SLC25A10: variants seen among roughly 807,000 people sequenced by gnomAD.
SLC25A10 encodes the protein mitochondrial dicarboxylate carrier.
SLC25A10 carries 32 observed loss-of-function variants against 40.4 expected under a neutral mutation model. The ratio of observed to expected loss-of-function variants is 0.79; its 90% CI spans 0.60 to 1.06. The LOEUF (loss-of-function observed/expected upper bound fraction) is 1.06. SLC25A10 is among the 50% of genes least tolerant of loss of function. The probability of loss-of-function intolerance (pLI) is 0.00; values close to 1 mark genes in which losing one functional copy is unlikely to be tolerated. For synonymous variants in SLC25A10, 181 were observed against 171.1 expected (o/e 1.06, Z -0.45); for missense variants, 394 against 402.6 (o/e 0.98, Z 0.18).
At chr17:81,713,550 T>G in intron 1 of SLC25A10, 6 of 958,274 alleles carry the variant, frequency 6.3e-6, no homozygotes, top group Non-Finnish European at 7.5e-6. Context: ...ACCTCACTGG[T>G]CCTGGGAGAG....
Position 81,717,461 on chromosome 17 carries a change from C to G in SLC25A10, c.597C>G (p.Ile199Met), listed in dbSNP as rs759091020. 1 of 1,613,680 alleles carries G rather than the reference C, an allele frequency of 6.2e-7. No individual in the cohort carries two copies. Among genetic ancestry groups the G allele is most frequent in the Non-Finnish European group, 8.5e-7 (1 of 1,179,914 alleles). The change falls in exon 8 of 11, where the codon ATC becomes ATG. Residue 199 changes from isoleucine to methionine, a missense_variant. Physicochemically the swap from Ile to Met is conservative, Grantham distance 10. Coordinates refer to ENST00000350690, the MANE Select transcript of SLC25A10 (RefSeq NM_012140.5). ...GCACCGGGTACCTCTCTGACAACAT[C>G]TTCACTCACTTTGTCGCCAGCTTTA... is the stretch of plus-strand genomic sequence containing the variant. Reference protein sequence around the residue: ...VLSTGYLSDNIFTHFVASFIA... With the variant: ...VLSTGYLSDNMFTHFVASFIA...
chr17:81,719,691 CCGCTCA>C, intron 9 of SLC25A10, 134 bp from the exon 10 acceptor site: 3 of 997,740 alleles, frequency 3.0e-6, no homozygotes, highest in Non-Finnish European at 3.1e-6. Flanking sequence ...CCAGCAGCCG[CCGCTCA>C]CACCCACACC....
Position 81,717,077 on chromosome 17 carries a change from G to A in SLC25A10, c.534+5G>A. 1 of 1,613,548 alleles carries A rather than the reference G, an allele frequency of 6.2e-7. No homozygotes were observed. The highest frequency in any genetic ancestry group is 8.5e-7 in the Non-Finnish European group (1 of 1,179,850). On this transcript the variant is annotated splice_donor_5th_base_variant and intron_variant, in intron 7 of 10. Coordinates refer to ENST00000350690, the MANE Select transcript of SLC25A10 (RefSeq NM_012140.5). ...GCCTTAGTCACTGTGGGCCAGGTAG[G>A]CCTCCTGCGTGGGGTGGGTGTGGGC...
At chr17:81,714,416 A>G (rs2037439689) in intron 1 of SLC25A10, among the ~76,000 whole-genome samples, 1 of 152,194 alleles carries the variant, frequency 6.6e-6, no homozygotes, top group Non-Finnish European at 1.5e-5. Context: ...GGAGGCCGCT[A>G]TGCCCTGCCG....
rs1311890590 is a variant in SLC25A10, at chr17:81,713,109, CAGGAG to C, written c.93+593_93+597del. On this transcript the variant is annotated intron_variant, in intron 1 of 10. Coordinates refer to ENST00000350690, the MANE Select transcript of SLC25A10 (RefSeq NM_012140.5). ...AGCGATGTTAGGACCAGCACACCCC[CAGGAG>C]AGATGCCAGGAGACCCTGCACGCGT... Among the ~76,000 whole-genome samples the C allele has an allele frequency of 2.0e-5, 3 of 152,150 alleles. No individual in the cohort carries two copies. The East Asian group carries it at 5.8e-4, about 29-fold the overall frequency.
chr17:81,715,824 G>C, intron 4 of SLC25A10, 83 bp downstream of exon 4: 1 of 1,573,554 alleles, frequency 6.4e-7, no homozygotes, highest in Non-Finnish European at 8.7e-7. Flanking sequence ...CTGCTTGCAG[G>C]GTGGGGTCAG....
rs748904356 is a variant in SLC25A10 at position 81,717,764 on chromosome 17, G to C, written c.628-20G>C. ...GCCTGGCGTACCTGACAGGCCGCTG[G>C]TGACGAGCCCCCTCCTCAGGGTGGA... On this transcript the variant is annotated intron_variant, in intron 8 of 10. Transcript: ENST00000350690. 1 of 1,607,706 alleles carries C rather than the reference G, an allele frequency of 6.2e-7. No homozygotes were observed. The highest frequency in any genetic ancestry group is 1.3e-5 in the African/African-American group (1 of 74,894).
At chr17:81,719,268 A>G (rs1335685559) in intron 9 of SLC25A10, among the ~76,000 whole-genome samples, 3 of 151,334 alleles carry the variant, frequency 2.0e-5, no homozygotes, top group Non-Finnish European at 4.4e-5. Context: ...AGGTTTCGCC[A>G]TGTTCGCCAG....
intron 2 of SLC25A10, 143 bp from the exon 3 acceptor site, chr17:81,715,335 G>T (rs368760581): frequency 1.2e-5 from 10 of 828,058 alleles, no homozygotes; most frequent in Non-Finnish European, 1.9e-5. Context: ...TGGCTCAGCC[G>T]CATGCTGGCA....
chr17:81,718,049 T>C (rs185304227), intron 9 of SLC25A10, among the ~76,000 whole-genome samples, 188 bp downstream of exon 9: 5 of 152,284 alleles, frequency 3.3e-5, no homozygotes, highest in Admixed American at 2.6e-4. Context: ...TTTTTGTTTT[T>C]AGAGAAGACT....
chr17:81,718,176 T>C (rs2037523530), intron 9 of SLC25A10, among the ~76,000 whole-genome samples: 1 of 151,946 alleles, frequency 6.6e-6, no homozygotes, highest in African/African-American at 2.4e-5. Flanking sequence ...TGAAACCCTG[T>C]CTCTACCAAA....
chr17:81,719,783 T>A (rs2037554747), intron 9 of SLC25A10, 48 bp from the exon 10 acceptor site: 1 of 1,608,432 alleles, frequency 6.2e-7, no homozygotes, highest in Non-Finnish European at 8.5e-7. Context: ...TTCGTTGCCT[T>A]TTGGGTGAGA....
At chr17:81,719,438 G>C (rs1028420856) in intron 9 of SLC25A10, among the ~76,000 whole-genome samples, 1 of 152,178 alleles carries the variant, frequency 6.6e-6, no homozygotes, top group Admixed American at 6.5e-5. Context: ...GGTGCTCTGG[G>C]TCTCCTGTCT....
rs2144538188 is a variant in SLC25A10, at chr17:81,716,798, T to C, written c.420-14T>C. ...CAGGGGGAGTCTCATGTGGTCATTC[T>C]GTGTCCCCGGCAGCTACGCCCATGC... On this transcript the variant is annotated splice_polypyrimidine_tract_variant and intron_variant, in intron 5 of 10. Transcript: ENST00000350690. The C allele has an allele frequency of 6.2e-7, 1 of 1,603,992 alleles. No individual in the cohort carries two copies. The highest frequency in any genetic ancestry group is 8.5e-7 in the Non-Finnish European group (1 of 1,175,746).
intron 8 of SLC25A10, 22 bp downstream of exon 8, chr17:81,717,513 G>A (rs2144540726): frequency 6.2e-7 from 1 of 1,612,890 alleles, no homozygotes. Flanking sequence ...GCATGGCTAG[G>A]GTGGGCGTCC....
rs2037520193 is a variant in SLC25A10, at chr17:81,717,959, G to T, written c.705+98G>T. On this transcript the variant is annotated intron_variant, in intron 9 of 10. Transcript: ENST00000350690. ...ACTCGCACTGGGGACCCGGGGAAGG[G>T]TGTCCCTCCCTTCTAGTTGCCTGTC... is the stretch of plus-strand genomic sequence containing the variant. 6 of 886,594 alleles carry T rather than the reference G, an allele frequency of 6.8e-6. No individual in the cohort carries two copies. The East Asian group carries it at 1.3e-4, about 20-fold the overall frequency. 54.9% of individuals were successfully genotyped at this position (886,594 alleles called of 1,614,324 possible).
At chr17:81,712,606 C>G (rs1216357466) in intron 1 of SLC25A10, 87 bp downstream of exon 1, 1 of 949,760 alleles carries the variant, frequency 1.1e-6, no homozygotes, top group African/African-American at 1.7e-5. Flanking sequence ...CCCACGCACC[C>G]GGGGATCGCC....
At chr17:81,719,105 A>G (rs934587167) in intron 9 of SLC25A10, among the ~76,000 whole-genome samples, 10 of 147,440 alleles carry the variant, frequency 6.8e-5, no homozygotes, top group Middle Eastern at 3.8e-3. Context: ...CTAATTTTTC[A>G]TATTTTTAGT....
intron 9 of SLC25A10, among the ~76,000 whole-genome samples, chr17:81,719,346 T>C (rs11871349): frequency 0.45 from 68,203 of 152,014 alleles, 15,486 homozygotes; most frequent in Admixed American, 0.51. Context: ...GGATTACAGG[T>C]GTGAGTCACT....
Sources: gnomAD v4.1 joint callset for allele counts (sites outside exome capture counted in the v4.1 genomes callset) on GRCh38, gnomAD v4.1.1 for gene constraint, MANE v1.5 for transcripts, NCBI Gene and HGNC (gene_info 2026-07-23, HGNC 2026-07-21) for gene names.